The following VWA8 variants were observed in gnomAD, a reference collection of about 807,000 sequenced individuals.
VWA8 encodes von Willebrand factor A domain-containing protein 8.
VWA8 carries 221 observed loss-of-function variants against 241.5 expected under a neutral mutation model. That is an observed-to-expected ratio of 0.91 (90% CI 0.82 to 1.02). VWA8 has a LOEUF of 1.02. Among genes scored for constraint, VWA8 ranks in the 50% least tolerant of loss-of-function variants. The pLI is 0.00. For missense variants in VWA8, 2,322 were observed against 2,328.7 expected (o/e 1.00, Z 0.06); for synonymous variants, 852 against 827.1 (o/e 1.03, Z -0.52).
At chr13:41,622,767 A>T (rs572125797) in intron 37 of VWA8, among the ~76,000 whole-genome samples, 1 of 152,238 alleles carries the variant, frequency 6.6e-6, no homozygotes, top group Non-Finnish European at 1.5e-5. Context: ...GGCAAGGCCC[A>T]TATATTTTAG....
chr13:41,674,770 A>G (rs1034874508), intron 36 of VWA8, among the ~76,000 whole-genome samples: 1 of 152,228 alleles, frequency 6.6e-6, no homozygotes, highest in African/African-American at 2.4e-5. Context: ...TCCTTTGGCT[A>G]TTGTACAACC....
chr13:41,883,172 C>A (rs1316469116), intron 9 of VWA8, among the ~76,000 whole-genome samples: 1 of 152,094 alleles, frequency 6.6e-6, no homozygotes, highest in Non-Finnish European at 1.5e-5. Context: ...CACACCAGCC[C>A]CTGTGTGTTT....
chr13:41,670,856 T>A, intron 37 of VWA8, 90 bp downstream of exon 37: 1 of 1,478,644 alleles, frequency 6.8e-7, no homozygotes, highest in Non-Finnish European at 9.3e-7. Context: ...TTTGAGTCAC[T>A]GGCCCAGAAA....
At chr13:41,618,808 C>G (rs185499613) in intron 37 of VWA8, among the ~76,000 whole-genome samples, 2 of 152,010 alleles carry the variant, frequency 1.3e-5, no homozygotes, top group African/African-American at 4.8e-5. Context: ...ATTTCTGAGG[C>G]CTCTGTTCTG....
intron 4 of VWA8, among the ~76,000 whole-genome samples, chr13:41,896,159 G>C (rs984197535): frequency 6.6e-6 from 1 of 152,000 alleles, no homozygotes; most frequent in South Asian, 2.1e-4. Context: ...AATGAAAGAG[G>C]TTAGAGAGAT....
intron 37 of VWA8, among the ~76,000 whole-genome samples, chr13:41,637,876 C>A (rs1018524239): frequency 3.9e-5 from 6 of 152,172 alleles, no homozygotes; most frequent in African/African-American, 1.4e-4. Flanking sequence ...CTGCAACAAT[C>A]CTAAAATTGC....
chr13:41,869,400 A>C (rs1030680013), intron 9 of VWA8, among the ~76,000 whole-genome samples: 1 of 152,030 alleles, frequency 6.6e-6, no homozygotes, highest in African/African-American at 2.4e-5. Context: ...TTGGGACGCC[A>C]AGGCAAGCGG....
chr13:41,740,469 G>C (rs542061698), intron 21 of VWA8, among the ~76,000 whole-genome samples: 1 of 152,206 alleles, frequency 6.6e-6, no homozygotes. Context: ...TTGAACTGAA[G>C]ACGGCTATCG....
chr13:41,756,120 G>T (rs1023665842), intron 21 of VWA8, among the ~76,000 whole-genome samples: 2 of 151,546 alleles, frequency 1.3e-5, no homozygotes, highest in Admixed American at 1.3e-4. Context: ...ATAAAAATGG[G>T]AATATCATTA....
intron 2 of VWA8, among the ~76,000 whole-genome samples, chr13:41,921,597 A>G (rs1334935023): frequency 1.3e-5 from 2 of 152,260 alleles, no homozygotes; most frequent in African/African-American, 4.8e-5. Flanking sequence ...AAGTCTCAGG[A>G]TACAAAATCA....
intron 12 of VWA8, among the ~76,000 whole-genome samples, chr13:41,861,524 A>C (rs150531941): frequency 6.6e-6 from 1 of 152,324 alleles, no homozygotes; most frequent in South Asian, 2.1e-4. Flanking sequence ...TTCACAGATT[A>C]TATGATTCTA....
intron 17 of VWA8, among the ~76,000 whole-genome samples, chr13:41,809,862 A>C (rs183005498): frequency 2.2e-4 from 33 of 152,298 alleles, no homozygotes; most frequent in African/African-American, 7.7e-4. Context: ...CCATCTGACA[A>C]GGGATTGATA....
intron 21 of VWA8, among the ~76,000 whole-genome samples, chr13:41,755,302 T>C (rs2045686662): frequency 6.6e-6 from 1 of 152,090 alleles, no homozygotes; most frequent in Non-Finnish European, 1.5e-5. Flanking sequence ...ATACAAGCCA[T>C]TTTAACTGGG....
At chr13:41,673,634 T>C (rs761346754) in intron 36 of VWA8, among the ~76,000 whole-genome samples, 3 of 152,180 alleles carry the variant, frequency 2.0e-5, no homozygotes, top group Non-Finnish European at 4.4e-5. Context: ...ATTGACTACA[T>C]GTCAAAATAA....
chr13:41,589,201 GTCA>G (rs1217313169), intron 41 of VWA8, among the ~76,000 whole-genome samples: 4 of 152,066 alleles, frequency 2.6e-5, no homozygotes, highest in African/African-American at 9.7e-5. Flanking sequence ...ATTTCATCCT[GTCA>G]TCATTTTGTT....
intron 12 of VWA8, among the ~76,000 whole-genome samples, chr13:41,858,243 G>C (rs1432130221): frequency 9.9e-5 from 15 of 152,162 alleles, no homozygotes; most frequent in Admixed American, 9.2e-4. Flanking sequence ...TAGTCTGATA[G>C]GTTGGAATGT....
intron 21 of VWA8, among the ~76,000 whole-genome samples, chr13:41,751,106 T>A (rs2137892774): frequency 6.6e-6 from 1 of 151,854 alleles, no homozygotes; most frequent in African/African-American, 2.4e-5. Flanking sequence ...GAACAGTGCC[T>A]GGCACACAGT....
intron 24 of VWA8, among the ~76,000 whole-genome samples, chr13:41,725,792 C>T (rs555566617): frequency 6.6e-6 from 1 of 152,136 alleles, no homozygotes; most frequent in Non-Finnish European, 1.5e-5. Context: ...GAACTCAAAC[C>T]TCTTTACAAT....
intron 24 of VWA8, among the ~76,000 whole-genome samples, chr13:41,722,754 G>A (rs920930615): frequency 6.6e-6 from 1 of 152,100 alleles, no homozygotes; most frequent in African/African-American, 2.4e-5. Context: ...TTGATACCTG[G>A]GGGAAGAGCA....
Sources: gnomAD v4.1 joint callset for allele counts (sites outside exome capture counted in the v4.1 genomes callset) on GRCh38, gnomAD v4.1.1 for gene constraint, MANE v1.5 for transcripts, NCBI Gene and HGNC (gene_info 2026-07-23, HGNC 2026-07-21) for gene names.